The following SYNE3 variants were observed in gnomAD, a reference collection of about 807,000 sequenced individuals.
The protein encoded by SYNE3 is spectrin repeat containing nuclear envelope family member 3.
SYNE3 carries 100 observed loss-of-function variants against 111.2 expected under a neutral mutation model. The ratio of observed to expected loss-of-function variants is 0.90; its 90% confidence interval spans 0.77 to 1.06. The LOEUF (loss-of-function observed/expected upper bound fraction) is 1.06, where lower values mean the gene tolerates loss of function less well. Among genes scored for constraint, SYNE3 ranks in the 50% least tolerant of loss-of-function variants. The probability of loss-of-function intolerance (pLI) is 0.00; values close to 1 mark genes in which losing one functional copy is unlikely to be tolerated. For synonymous variants in SYNE3, 547 were observed against 533.9 expected (o/e 1.02, Z -0.34); for missense variants, 1,160 against 1,240.3 (o/e 0.94, Z 0.97).
intron 15 of SYNE3, 63 bp from the exon 16 acceptor site, chr14:95,433,472 G>C: frequency 6.3e-7 from 1 of 1,592,216 alleles, no homozygotes; most frequent in Non-Finnish European, 8.6e-7. Context: ...CACCTGAATG[G>C]TAAGGATGGG....
At chr14:95,468,836 C>A (rs1888350817) in intron 2 of SYNE3, among the ~76,000 whole-genome samples, 1 of 152,164 alleles carries the variant, frequency 6.6e-6, no homozygotes, top group Non-Finnish European at 1.5e-5. Context: ...TAGTAAGTGT[C>A]CAAGTAATGC....
intron 1 of SYNE3, among the ~76,000 whole-genome samples, chr14:95,488,420 G>A (rs1168119720): frequency 6.6e-6 from 1 of 152,164 alleles, no homozygotes; most frequent in Admixed American, 6.5e-5. Flanking sequence ...ACCCACGGAT[G>A]GATAGTTTCC....
Position 95,433,360 on chromosome 14 carries a change from A to G in SYNE3, c.2588T>C (p.Leu863Pro). ...GGTCCCCCTTGCTGGCCCGAGACGAAGGAGGTTCTCAAAGAGATGCTGACC... is the reference window on the plus strand; with the variant it reads ...GGTCCCCCTTGCTGGCCCGAGACGAGGGAGGTTCTCAAAGAGATGCTGACC... ...PEGQHLFENLLRLGPARGTSD... is the reference protein window; with the variant it reads ...PEGQHLFENLPRLGPARGTSD... The change falls in exon 16 of 18, where the codon CTT (leucine) becomes CCT (proline). Residue 863 changes from leucine to proline, a missense_variant. Physicochemically the swap from Leu to Pro is moderately conservative, Grantham distance 98. Transcript: ENST00000682763. The G allele has an allele frequency of 6.2e-7, 1 of 1,614,130 alleles. No homozygotes were observed. The highest frequency in any genetic ancestry group is 8.5e-7 in the Non-Finnish European group (1 of 1,180,014).
At position 95,408,057 on chromosome 14, in the gene SYNE3, A is replaced by T. The variant is rs960985912; in HGVS notation, c.*9769T>A. The T allele has an allele frequency of 6.6e-6, 1 of 152,126 alleles. No homozygotes were observed. The highest frequency in any genetic ancestry group is 2.4e-5 in the African/African-American group (1 of 41,414). 9.4% of individuals were successfully genotyped at this position (152,126 alleles called of 1,614,324 possible). On this transcript the variant is annotated 3_prime_UTR_variant, in exon 18 of 18. Coordinates refer to ENST00000682763, the MANE Select transcript of SYNE3 (RefSeq NM_152592.6). ...GAGCAGCTTCAAAAACATTCTCAGC[A>T]TCGCCCCAGACATCCTTGTTCACAA...
intron 1 of SYNE3, among the ~76,000 whole-genome samples, chr14:95,477,147 A>C (rs1409143599): frequency 6.6e-6 from 1 of 152,286 alleles, no homozygotes; most frequent in Non-Finnish European, 1.5e-5. Context: ...CTATAATTCC[A>C]GAACTTTGGG....
At chr14:95,474,211 G>A (rs952380086) in intron 2 of SYNE3, among the ~76,000 whole-genome samples, 9 of 152,264 alleles carry the variant, frequency 5.9e-5, no homozygotes, top group Non-Finnish European at 8.8e-5. Flanking sequence ...AAAGAGAGTG[G>A]TGCAGATAGT....
In SYNE3 at chr14:95,409,663, G is replaced by A. The variant is rs1903384543; in HGVS notation, c.*8163C>T. On this transcript the variant is annotated 3_prime_UTR_variant, in exon 18 of 18. Transcript: ENST00000682763. ...ATTTGCTTTTAGACCACGAGCCTGT[G>A]TTTTAATGTTCTTTTAGAAACAAAT... The A allele has an allele frequency of 3.1e-6, 1 of 318,116 alleles. No individual in the cohort carries two copies. Among genetic ancestry groups the A allele is most frequent in the South Asian group, 2.7e-5 (1 of 36,496 alleles). 19.7% of individuals were successfully genotyped at this position (318,116 alleles called of 1,614,324 possible). A position where few individuals can be genotyped will look rare whatever the true frequency, so the allele number is the denominator to read the frequency against.
intron 1 of SYNE3, among the ~76,000 whole-genome samples, chr14:95,501,311 C>T (rs1890325571): frequency 6.6e-6 from 1 of 152,228 alleles, no homozygotes; most frequent in Non-Finnish European, 1.5e-5. Flanking sequence ...TCCAACAGCA[C>T]AAAGTCCTTA....
At position 95,470,352 on chromosome 14, in the gene SYNE3, C is replaced by T. The variant is rs113144346; in HGVS notation, c.145-2385G>A. On this transcript the variant is annotated intron_variant, in intron 2 of 17. Coordinates refer to ENST00000682763, the MANE Select transcript of SYNE3 (RefSeq NM_152592.6). The surrounding 1 kb of genome is among the most constrained non-coding windows in gnomAD (Gnocchi z 4.2). ...TAATTTGATTAAAAATAATAGTAGACCAGGCGTGGTGACTCATGCCTGTAA... is the reference window on the plus strand; with the variant it reads ...TAATTTGATTAAAAATAATAGTAGATCAGGCGTGGTGACTCATGCCTGTAA... Among the ~76,000 whole-genome samples, 162 of 152,232 alleles carry T rather than the reference C, an allele frequency of 1.1e-3. 1 individual carries two copies. Among genetic ancestry groups the T allele is most frequent in the African/African-American group, 3.6e-3 (149 of 41,532 alleles).
rs1215699388 is a variant in SYNE3, at chr14:95,410,841, C to T, written c.*6985G>A. 6.6e-6 allele frequency: 1 copy of T among 152,182 alleles called. No homozygotes were observed. The highest frequency in any genetic ancestry group is 2.4e-5 in the African/African-American group (1 of 41,432). The allele number at this position is 152,182 out of a possible 1,614,324, so 9.4% of individuals were successfully genotyped here. A position where few individuals can be genotyped will look rare whatever the true frequency, so the allele number is the denominator to read the frequency against. On this transcript the variant is annotated 3_prime_UTR_variant, in exon 18 of 18. Transcript: ENST00000682763. ...CTAGGATACCTAATATTTCAGGGAGCACTGAACGCTCCAGGGCTGACTTCC... is the reference window on the plus strand; with the variant it reads ...CTAGGATACCTAATATTTCAGGGAGTACTGAACGCTCCAGGGCTGACTTCC...
At chr14:95,510,534 C>G (rs1890685276) in intron 1 of SYNE3, among the ~76,000 whole-genome samples, 1 of 152,210 alleles carries the variant, frequency 6.6e-6, no homozygotes, top group Non-Finnish European at 1.5e-5. Context: ...GGTTTGGTGG[C>G]TCATGCCTGT....
intron 2 of SYNE3, among the ~76,000 whole-genome samples, chr14:95,468,708 G>T (rs1423572887): frequency 1.3e-5 from 2 of 152,038 alleles, no homozygotes; most frequent in African/African-American, 4.8e-5. Context: ...GCCTCTCCTG[G>T]CTCCCTTCCT....
intron 4 of SYNE3, among the ~76,000 whole-genome samples, chr14:95,463,049 G>A (rs886590608): frequency 3.3e-5 from 5 of 152,190 alleles, no homozygotes; most frequent in Middle Eastern, 3.4e-3. Flanking sequence ...CCAGCTACTC[G>A]GGAGGCTGAG....
At chr14:95,514,370 A>G (rs1199425725) in intron 1 of SYNE3, among the ~76,000 whole-genome samples, 2 of 152,178 alleles carry the variant, frequency 1.3e-5, no homozygotes. Context: ...GCCAGCTTTC[A>G]GTGCTGGGAG....
rs368574040 is a variant in SYNE3, at chr14:95,417,863, G to T, written c.2891C>A (p.Thr964Lys). The change falls in exon 18 of 18, where the codon ACG becomes AAG. Residue 964 changes from threonine (T) to lysine (K), a missense_variant. Transcript: ENST00000682763. ...TLANNFARSF[T>K]LMLRYNGPPP... ...TGGGCCATTGTAGCGCAGCATGAGCGTGAAGGAGCGGGCGAAGTTGTTGGC... is the reference window on the plus strand; with the variant it reads ...TGGGCCATTGTAGCGCAGCATGAGCTTGAAGGAGCGGGCGAAGTTGTTGGC... 2 of 1,614,232 alleles carry T rather than the reference G, an allele frequency of 1.2e-6. No individual in the cohort carries two copies. The highest frequency in any genetic ancestry group is 1.7e-6 in the Non-Finnish European group (2 of 1,180,040).
chr14:95,496,194 C>T (rs1420153629), intron 1 of SYNE3, among the ~76,000 whole-genome samples: 1 of 152,208 alleles, frequency 6.6e-6, no homozygotes, highest in African/African-American at 2.4e-5. Flanking sequence ...CACTTAATGA[C>T]AAATCCTTCA....
At position 95,439,134 on chromosome 14, in the gene SYNE3, T is replaced by A; in HGVS notation, c.2275A>T (p.Met759Leu). 1 of 1,614,236 alleles carries A rather than the reference T, an allele frequency of 6.2e-7. No individual in the cohort carries two copies. The highest frequency in any genetic ancestry group is 8.5e-7 in the Non-Finnish European group (1 of 1,180,034). Residue 759 changes from methionine (M) to leucine (L), a missense_variant, in exon 14 of 18, where the codon ATG becomes TTG. Coordinates refer to ENST00000682763, the MANE Select transcript of SYNE3 (RefSeq NM_152592.6). ...SLIRNWHLQR[M>L]EVDSGKKMVF... ...ATTTTCTTCCCCGAATCCACTTCCATCCTCTGCAGATGCCAGTTTCTGATG... is the reference window on the plus strand; with the variant it reads ...ATTTTCTTCCCCGAATCCACTTCCAACCTCTGCAGATGCCAGTTTCTGATG...
chr14:95,472,074 G>T (rs560154795), intron 2 of SYNE3, among the ~76,000 whole-genome samples: 1 of 152,368 alleles, frequency 6.6e-6, no homozygotes, highest in South Asian at 2.1e-4. Context: ...AGCTCAGGGA[G>T]GGATGGGAGA....
intron 16 of SYNE3, among the ~76,000 whole-genome samples, chr14:95,432,633 CTATTATTATTATTAT>C (rs3036482): frequency 7.4e-4 from 105 of 142,478 alleles, no homozygotes; most frequent in Middle Eastern, 3.6e-3. Flanking sequence ...ACTAGTTTTG[CTATTATTATTATTAT>C]TATTATTATT....
Sources: allele counts gnomAD v4.1 joint callset (sites outside exome capture counted in the v4.1 genomes callset), GRCh38; gene constraint gnomAD v4.1.1; non-coding constraint Gnocchi (gnomAD v3.1); transcripts MANE v1.5; gene names NCBI Gene and HGNC (gene_info 2026-07-23, HGNC 2026-07-21).